The following CATSPERT variants were observed in gnomAD, a reference collection of about 807,000 sequenced individuals.
The protein encoded by CATSPERT is catsper channel auxiliary subunit tau, also known as cation channel sperm-associated targeting subunit tau.
the CATSPERT span, chr2:201,572,004 T>C: frequency 6.2e-7 from 1 of 1,612,906 alleles, no homozygotes; most frequent in African/African-American, 1.3e-5. Flanking sequence ...CTCAGTAATT[T>C]TCTGAAGAGG....
the CATSPERT span, among the ~76,000 whole-genome samples, chr2:201,504,192 A>C: frequency 6.6e-6 from 1 of 152,170 alleles, no homozygotes; most frequent in East Asian, 1.9e-4. Context: ...TCTGTCTGCT[A>C]AATTTCAGAC....
At chr2:201,553,935 A>G in the CATSPERT span, 1 of 152,148 alleles carries the variant, frequency 6.6e-6, no homozygotes, top group African/African-American at 2.4e-5. Flanking sequence ...AAGTAATCCA[A>G]AAGTTATTCT....
At chr2:201,573,399 C>T in the CATSPERT span, among the ~76,000 whole-genome samples, 1 of 152,140 alleles carries the variant, frequency 6.6e-6, no homozygotes, top group African/African-American at 2.4e-5. Context: ...CATATGAGTA[C>T]AAAATATTAT....
the CATSPERT span, chr2:201,547,454 T>C: frequency 1.0e-6 from 1 of 993,584 alleles, no homozygotes; most frequent in Non-Finnish European, 1.5e-6. Context: ...ATCCCATTCT[T>C]AATAAAAAGT....
the CATSPERT span, among the ~76,000 whole-genome samples, chr2:201,594,938 T>C: frequency 6.6e-6 from 1 of 152,194 alleles, no homozygotes; most frequent in African/African-American, 2.4e-5. Flanking sequence ...CTCCCGTAGC[T>C]CGGAGTAATT....
At chr2:201,537,563 A>AT in the CATSPERT span, 6 of 1,109,776 alleles carry the variant, frequency 5.4e-6, no homozygotes, top group Non-Finnish European at 7.5e-6. Context: ...ATACTATTAC[A>AT]TTTTTTCTCA....
At chr2:201,487,502 A>AG in the CATSPERT span, 1 of 1,019,238 alleles carries the variant, frequency 9.8e-7, no homozygotes, top group African/African-American at 1.6e-5. Context: ...ACACAAAAGA[A>AG]GAGATCTCCA....
At chr2:201,601,606 T>C in the CATSPERT span, 2 of 806,534 alleles carry the variant, frequency 2.5e-6, no homozygotes, top group South Asian at 3.9e-5. Flanking sequence ...TAGAATACTG[T>C]AAGATACCAA....
chr2:201,581,548 G>GTGTA, the CATSPERT span, among the ~76,000 whole-genome samples: 58 of 9,656 alleles, frequency 6.0e-3, 2 homozygotes, highest in African/African-American at 0.014. Flanking sequence ...AAAAATGTGT[G>GTGTA]TATATATATA....
the CATSPERT span, among the ~76,000 whole-genome samples, chr2:201,576,129 A>G: frequency 1.3e-5 from 2 of 152,216 alleles, no homozygotes; most frequent in Admixed American, 1.3e-4. Context: ...TGCCATGCCC[A>G]CATTGTTTTT....
chr2:201,536,960 C>T, the CATSPERT span, among the ~76,000 whole-genome samples: 5 of 151,958 alleles, frequency 3.3e-5, no homozygotes, highest in Admixed American at 2.0e-4. Flanking sequence ...CACTGATTTA[C>T]ATGGGGAGCC....
At chr2:201,577,491 T>C in the CATSPERT span, among the ~76,000 whole-genome samples, 319 of 152,338 alleles carry the variant, frequency 2.1e-3, no homozygotes, top group African/African-American at 7.3e-3. Context: ...AACCTAGTGT[T>C]CATCACCAAA....
the CATSPERT span, among the ~76,000 whole-genome samples, chr2:201,595,568 C>T: frequency 1.3e-5 from 2 of 152,070 alleles, no homozygotes; most frequent in Middle Eastern, 3.2e-3. Flanking sequence ...TCAGTCTGCC[C>T]CTGCTGGGGA....
chr2:201,491,904 C>T, the CATSPERT span: 2 of 1,536,716 alleles, frequency 1.3e-6, no homozygotes, highest in East Asian at 2.4e-5. Context: ...CATGTTCTTT[C>T]CTTAGTTTCT....
the CATSPERT span, among the ~76,000 whole-genome samples, chr2:201,506,534 A>C: frequency 1.3e-5 from 2 of 152,168 alleles, no homozygotes; most frequent in Non-Finnish European, 2.9e-5. Flanking sequence ...GCATTTGATA[A>C]AAATTAACCC....
At chr2:201,521,457 G>GAGAGAGAGAGAGAGAGAC in the CATSPERT span, among the ~76,000 whole-genome samples, 1 of 150,762 alleles carries the variant, frequency 6.6e-6, no homozygotes, top group African/African-American at 2.4e-5. Context: ...GAGAGAAAGA[G>GAGAGAGAGAGAGAGAGAC]ACACACAGAG....
the CATSPERT span, among the ~76,000 whole-genome samples, chr2:201,594,526 G>A: frequency 1.3e-5 from 2 of 152,262 alleles, no homozygotes; most frequent in East Asian, 3.9e-4. Flanking sequence ...ATGTTGGCCT[G>A]CCTTGCTAGA....
the CATSPERT span, among the ~76,000 whole-genome samples, chr2:201,569,965 T>C: frequency 2.0e-5 from 3 of 152,128 alleles, no homozygotes; most frequent in Non-Finnish European, 1.5e-5. Flanking sequence ...GTGGATCACT[T>C]GAGCGCAGGA....
At chr2:201,618,065 G>GC in the CATSPERT span, among the ~76,000 whole-genome samples, 3 of 152,202 alleles carry the variant, frequency 2.0e-5, no homozygotes, top group African/African-American at 7.2e-5. Context: ...AACAACAGGT[G>GC]CTGGAGAGGA....
Sources: gnomAD v4.1 joint callset for allele counts (sites outside exome capture counted in the v4.1 genomes callset) on GRCh38, gnomAD v4.1.1 for gene constraint, MANE v1.5 for transcripts, NCBI Gene and HGNC (gene_info 2026-07-23, HGNC 2026-07-21) for gene names.